The following KMT2C variants were observed in gnomAD, a reference collection of about 807,000 sequenced individuals.
KMT2C encodes lysine methyltransferase 2C.
Under a neutral mutation model 507.9 loss-of-function variants are expected in KMT2C, and 88 were observed. That is an observed-to-expected ratio of 0.17 (90% CI 0.15 to 0.21). The LOEUF (loss-of-function observed/expected upper bound fraction) is 0.21. Ranked by LOEUF, KMT2C falls within the 10% of genes least tolerant of loss-of-function variation. The pLI is 1.00. For missense variants in KMT2C, 4,954 were observed against 5,957.8 expected, an observed-to-expected ratio of 0.83 and a Z score of 5.55; for synonymous variants, 2,049 against 2,080.8, an observed-to-expected ratio of 0.98 and a Z score of 0.42.
At chr7:152,196,215 T>C (rs2093957386) in intron 27 of KMT2C, among the ~76,000 whole-genome samples, 1 of 152,200 alleles carries the variant, frequency 6.6e-6, no homozygotes, top group African/African-American at 2.4e-5. Flanking sequence ...TCAGACGATT[T>C]TGTCTTGTGA....
In KMT2C at chr7:152,384,548, ACACCACCACCACCACCAC is replaced by A. The variant is rs71198780; in HGVS notation, c.162-25891_162-25874del. Among the ~76,000 whole-genome samples, 280 of 62,224 alleles carry A rather than the reference ACACCACCACCACCACCAC, an allele frequency of 4.5e-3. 2 individuals are homozygous for A. The highest frequency in any genetic ancestry group is 0.013 in the South Asian group (20 of 1,484). 40.8% of individuals were successfully genotyped at this position (62,224 alleles called of 152,430 possible). A position where few individuals can be genotyped will look rare whatever the true frequency, so the allele number is the denominator to read the frequency against. On this transcript the variant is annotated intron_variant, in intron 1 of 58. Transcript: ENST00000262189. Reference sequence around the variant, plus strand: ...TGCTATATTATCCCCCATGTGCATAACACCACCACCACCACCACCACCACCACCACCACCACCACCACC... The same window carrying A: ...TGCTATATTATCCCCCATGTGCATAACACCACCACCACCACCACCACCACC...
chr7:152,235,341 T>C (rs2095245528), intron 16 of KMT2C, among the ~76,000 whole-genome samples: 1 of 152,122 alleles, frequency 6.6e-6, no homozygotes, highest in Non-Finnish European at 1.5e-5. Context: ...TCCTTATTCC[T>C]GGTTTAGTAG....
intron 9 of KMT2C, among the ~76,000 whole-genome samples, chr7:152,257,304 T>C (rs1987049): frequency 0.013 from 1,946 of 152,116 alleles, 34 homozygotes; most frequent in African/African-American, 0.043. Context: ...ATAAGAGCAA[T>C]ATATCTTCTT....
At chr7:152,195,474 AAAG>A (rs2093935242) in intron 28 of KMT2C, 15 of 910,474 alleles carry the variant, frequency 1.6e-5, no homozygotes, top group African/African-American at 1.1e-4. Context: ...CACTATAAAA[AAAG>A]AAGACTACTT....
intron 1 of KMT2C, among the ~76,000 whole-genome samples, chr7:152,414,685 G>A (rs2097716551): frequency 6.6e-6 from 1 of 151,632 alleles, no homozygotes; most frequent in Admixed American, 6.6e-5. Flanking sequence ...TAGTAGGGAA[G>A]AGGTTTCACC....
Position 152,217,229 on chromosome 7 carries a change from G to A in KMT2C, c.3712+3294C>T, listed in dbSNP as rs540367066. Among the ~76,000 whole-genome samples, 89 of 152,230 alleles carry A rather than the reference G, an allele frequency of 5.8e-4. 1 individual carries two copies. Among genetic ancestry groups the A allele is most frequent in the African/African-American group, 2.0e-3 (84 of 41,532 alleles). On this transcript the variant is annotated intron_variant, in intron 23 of 58. Transcript: ENST00000262189. ...GCATAATGTAATAATAAGAACTTAC[G>A]ATGATTGTATTCTTTCCCTATTTTT...
At chr7:152,408,020 T>G (rs2097638179) in intron 1 of KMT2C, among the ~76,000 whole-genome samples, 1 of 152,138 alleles carries the variant, frequency 6.6e-6, no homozygotes, top group South Asian at 2.1e-4. Flanking sequence ...CCGGGTGGGG[T>G]GGCTCACGCC....
intron 14 of KMT2C, among the ~76,000 whole-genome samples, chr7:152,241,163 A>T (rs1228739668): frequency 6.6e-6 from 1 of 152,082 alleles, no homozygotes; most frequent in Non-Finnish European, 1.5e-5. Flanking sequence ...ACACTTCACT[A>T]TATCATTCCA....
chr7:152,297,047 AAGAAAGACAGAGAGAG>A (rs1358060095), intron 6 of KMT2C, among the ~76,000 whole-genome samples: 8 of 68,976 alleles, frequency 1.2e-4, no homozygotes, highest in African/African-American at 4.0e-4. Flanking sequence ...GAAAGAAAGA[AAGAAAGACAGAGAGAG>A]AGAGAGAGAG....
At chr7:152,256,029 C>T (rs1174953840) in intron 9 of KMT2C, among the ~76,000 whole-genome samples, 4 of 152,044 alleles carry the variant, frequency 2.6e-5, no homozygotes, top group East Asian at 3.9e-4. Context: ...ATTAGCTGGG[C>T]GTGGTGGCGC....
rs2091622118 is a variant in KMT2C at position 152,151,558 on chromosome 7, T to C, written c.12550A>G (p.Ser4184Gly). Residue 4184 changes from serine to glycine, a missense_variant, in exon 50 of 59, where the codon AGT becomes GGT. By Grantham distance (56) the Ser-to-Gly change is moderately conservative. Coordinates refer to ENST00000262189, the MANE Select transcript of KMT2C (RefSeq NM_170606.3). The stretch of plus-strand genomic sequence containing the variant: ...GCTGCGCTTTCTGCAATACCATGAC[T>C]AGAATCCTTATATCCAGAAAGACCT... ...SNGLSGYKDS[S>G]HGIAESAALR... The C allele has an allele frequency of 1.2e-6, 2 of 1,613,944 alleles. No individual in the cohort carries two copies. The highest frequency in any genetic ancestry group is 1.7e-6 in the Non-Finnish European group (2 of 1,179,942).
chr7:152,302,281 T>C (rs966607116), intron 6 of KMT2C, among the ~76,000 whole-genome samples: 3 of 152,102 alleles, frequency 2.0e-5, no homozygotes, highest in African/African-American at 7.2e-5. Context: ...AGGAGTGCAA[T>C]AGAACGATCT....
At position 152,252,735 on chromosome 7, in the gene KMT2C, A is replaced by G; in HGVS notation, c.1300-20T>C. The stretch of plus-strand genomic sequence containing the variant: ...GCAATTCTAAACACCAGGAAAAATA[A>G]AAACAAAAACAGTTTGTTATGCATT... On this transcript the variant is annotated intron_variant, in intron 9 of 58. Coordinates refer to ENST00000262189, the MANE Select transcript of KMT2C (RefSeq NM_170606.3). The G allele has an allele frequency of 6.4e-7, 1 of 1,556,950 alleles. No individual in the cohort carries two copies. Among genetic ancestry groups the G allele is most frequent in the Non-Finnish European group, 8.8e-7 (1 of 1,140,966 alleles).
In KMT2C at chr7:152,182,874, T is replaced by C. The variant is rs992807697; in HGVS notation, c.5265+100A>G. The C allele has an allele frequency of 8.2e-6, 7 of 857,700 alleles. No homozygotes were observed. In the African/African-American group the frequency reaches 1.2e-4, roughly 15 times the overall value. 53.1% of individuals were successfully genotyped at this position (857,700 alleles called of 1,614,324 possible). A position where few individuals can be genotyped will look rare whatever the true frequency, so the allele number is the denominator to read the frequency against. ...AACAAGTCTATCCTAAATCAAATTT[T>C]CATGGTCTAAGAACTATATTCTAAA... is the stretch of plus-strand genomic sequence containing the variant. On this transcript the variant is annotated intron_variant, in intron 35 of 58. Transcript: ENST00000262189.
chr7:152,186,953 T>TA (rs1343050054), intron 33 of KMT2C, among the ~76,000 whole-genome samples: 1 of 152,182 alleles, frequency 6.6e-6, no homozygotes, highest in Non-Finnish European at 1.5e-5. Flanking sequence ...GATTAAATGA[T>TA]AGTTTGGGTT....
intron 1 of KMT2C, among the ~76,000 whole-genome samples, chr7:152,417,441 T>C (rs2097750562): frequency 2.0e-5 from 3 of 151,962 alleles, no homozygotes; most frequent in East Asian, 2.0e-4. Flanking sequence ...TTAACACATA[T>C]ACCCTCTTTA....
In KMT2C at chr7:152,268,029, C is replaced by T. The variant is rs529145548; in HGVS notation, c.1013-2820G>A. Among the ~76,000 whole-genome samples, 9 of 152,300 alleles carry T rather than the reference C, an allele frequency of 5.9e-5. No individual in the cohort carries two copies. In the East Asian group the frequency reaches 1.7e-3, roughly 29 times the overall value. On this transcript the variant is annotated intron_variant, in intron 7 of 58. Coordinates refer to ENST00000262189, the MANE Select transcript of KMT2C (RefSeq NM_170606.3). ...GCACAGACACTCACGCCTGTAATCCCAGCACTCTGGGAGGCCAAAGCAGAT... is the reference window on the plus strand; with the variant it reads ...GCACAGACACTCACGCCTGTAATCCTAGCACTCTGGGAGGCCAAAGCAGAT...
At chr7:152,257,385 G>A (rs1418309742) in intron 9 of KMT2C, among the ~76,000 whole-genome samples, 2 of 152,192 alleles carry the variant, frequency 1.3e-5, no homozygotes, top group Non-Finnish European at 2.9e-5. Flanking sequence ...AAGAGGTTGG[G>A]AGAAATGGAG....
rs1001345979 is a variant in KMT2C at position 152,200,727 on chromosome 7, C to CA, written c.4093-1269dup. Among the ~76,000 whole-genome samples, 23 of 150,468 alleles carry CA rather than the reference C, an allele frequency of 1.5e-4. No homozygotes were observed. The South Asian group carries it at 1.7e-3, about 11-fold the overall frequency. ...CCTCAGTGACAGAGTGAGGCTGTCT[C>CA]AAAAAAAAATTAGAAAGTTCAAATC... On this transcript the variant is annotated intron_variant, in intron 26 of 58. Transcript: ENST00000262189.
Sources: allele counts gnomAD v4.1 joint callset (sites outside exome capture counted in the v4.1 genomes callset), GRCh38; gene constraint gnomAD v4.1.1; transcripts MANE v1.5; gene names NCBI Gene and HGNC (gene_info 2026-07-23, HGNC 2026-07-21).